KHDRBS1: variants seen among roughly 807,000 people sequenced by gnomAD.
KHDRBS1 encodes the protein KH RNA binding domain containing, signal transduction associated 1.
A neutral mutation model predicts 48.4 loss-of-function variants in KHDRBS1; 7 were observed. The ratio of observed to expected loss-of-function variants is 0.14; its 90% CI spans 0.08 to 0.27. KHDRBS1 has a LOEUF of 0.27. Among genes scored for constraint, KHDRBS1 ranks in the 10% least tolerant of loss-of-function variants. The pLI is 1.00. For synonymous variants in KHDRBS1, 241 were observed against 235.8 expected, an observed-to-expected ratio of 1.02 and a Z score of -0.20; for missense variants, 458 against 601.2, an observed-to-expected ratio of 0.76 and a Z score of 2.49.
rs1325102553 is a variant in KHDRBS1 at position 32,043,435 on chromosome 1, G to T, written c.*811G>T. On this transcript the variant is annotated 3_prime_UTR_variant, in exon 9 of 9. Transcript: ENST00000327300. Reference sequence around the variant, plus strand: ...TGGTGGTGGGGAGGGAAGGCCTCCTGAATTGAGTTTGATGCAGAGCTTTTT... The same window carrying T: ...TGGTGGTGGGGAGGGAAGGCCTCCTTAATTGAGTTTGATGCAGAGCTTTTT... 1 of 152,574 alleles carries T rather than the reference G, an allele frequency of 6.6e-6. No individual in the cohort carries two copies. Among genetic ancestry groups the T allele is most frequent in the Admixed American group, 6.5e-5 (1 of 15,276 alleles). The allele number at this position is 152,574 out of a possible 1,614,324, so 9.5% of individuals were successfully genotyped here. A position where few individuals can be genotyped will look rare whatever the true frequency, so the allele number is the denominator to read the frequency against.
intron 5 of KHDRBS1, among the ~76,000 whole-genome samples, chr1:32,037,557 T>C (rs1330674960): frequency 1.3e-5 from 2 of 152,202 alleles, no homozygotes; most frequent in African/African-American, 4.8e-5. Context: ...CATTTGTTAA[T>C]GGTCTGACTT....
rs1639412379 is a variant in KHDRBS1 at position 32,050,994 on chromosome 1, T to G, written n.1301+5604T>G. 2.0e-5 allele frequency among the ~76,000 whole-genome samples: 3 copies of G among 152,210 alleles called. No homozygotes were observed. In the South Asian group the frequency reaches 6.2e-4, roughly 32 times the overall value. On this transcript the variant is annotated intron_variant and non_coding_transcript_variant, in intron 10 of 10. Coordinates refer to the KHDRBS1 transcript ENST00000484270. ...CAACCTCTGCCTCCCAGGTTCAAGT[T>G]CAAGCAGTTCTCCCTGCCTCAGCCT...
At position 32,019,018 on chromosome 1, in the gene KHDRBS1, C is replaced by T. The variant is rs182354171; in HGVS notation, c.382+4641C>T. ...GCTGAGGCAGGAGAATCACTTGAAC[C>T]CAGGAGGTGGAGTTTGCAGTGAGCC... On this transcript the variant is annotated intron_variant, in intron 1 of 8. Coordinates refer to ENST00000327300, the MANE Select transcript of KHDRBS1 (RefSeq NM_006559.3). Among the ~76,000 whole-genome samples the T allele has an allele frequency of 2.0e-3, 297 of 151,552 alleles. 3 individuals are homozygous for T. The highest frequency in any genetic ancestry group is 6.8e-3 in the African/African-American group (283 of 41,322).
rs191953318 is a variant in KHDRBS1, at chr1:32,017,389, T to A, written c.382+3012T>A. On this transcript the variant is annotated intron_variant, in intron 1 of 8. Transcript: ENST00000327300. The stretch of plus-strand genomic sequence containing the variant: ...ACATAAGGATTCAATCATCCATCTT[T>A]GTTTTCTGGAAGAGAAATAATTTAC... Among the ~76,000 whole-genome samples, 183 of 152,298 alleles carry A rather than the reference T, an allele frequency of 1.2e-3. 1 individual carries two copies. Among genetic ancestry groups the A allele is most frequent in the Admixed American group, 3.2e-3 (49 of 15,276 alleles).
intron 1 of KHDRBS1, among the ~76,000 whole-genome samples, chr1:32,024,503 T>G (rs1277691830): frequency 1.3e-5 from 2 of 151,572 alleles, no homozygotes; most frequent in African/African-American, 4.8e-5. Context: ...TTTTTTTTAA[T>G]TTTAGTAAAG....
At chr1:32,038,428 T>A in intron 6 of KHDRBS1, 124 bp from the exon 7 acceptor site, 2 of 951,386 alleles carry the variant, frequency 2.1e-6, no homozygotes, top group Non-Finnish European at 3.2e-6. Context: ...GGCATTAACA[T>A]TTTGGAGGGA....
rs1639231836 is a variant in KHDRBS1, at chr1:32,038,754, C to T, written c.1175+135C>T. 17 of 751,278 alleles carry T rather than the reference C, an allele frequency of 2.3e-5. No individual in the cohort carries two copies. In the South Asian group the frequency reaches 2.5e-4, roughly 11 times the overall value. The allele number at this position is 751,278 out of a possible 1,614,324, so 46.5% of individuals were successfully genotyped here. ...TTTGAGGGTATCTCCTCTGCAACCC[C>T]CACAGTCCTGACTGGTCTTGAACTC... On this transcript the variant is annotated intron_variant, in intron 7 of 8. Coordinates refer to ENST00000327300, the MANE Select transcript of KHDRBS1 (RefSeq NM_006559.3).
At chr1:32,034,104 A>T (rs1017260610) in intron 4 of KHDRBS1, among the ~76,000 whole-genome samples, 1 of 152,342 alleles carries the variant, frequency 6.6e-6, no homozygotes, top group East Asian at 1.9e-4. Context: ...CTGGAGACTT[A>T]TGAAGGATTT....
At chr1:32,038,939 T>C (rs1467217543) in intron 7 of KHDRBS1, among the ~76,000 whole-genome samples, 1 of 152,164 alleles carries the variant, frequency 6.6e-6, no homozygotes, top group Non-Finnish European at 1.5e-5. Context: ...ATTTAGAACC[T>C]GAGAGTAACA....
chr1:32,014,398 C>G (rs1387054053), intron 1 of KHDRBS1, 21 bp downstream of exon 1: 3 of 1,319,886 alleles, frequency 2.3e-6, no homozygotes, highest in Non-Finnish European at 2.9e-6. Flanking sequence ...CTCCCGTGTC[C>G]CTCTGGGTCG....
chr1:32,028,517 T>G (rs1008483121), intron 1 of KHDRBS1, among the ~76,000 whole-genome samples: 3 of 145,106 alleles, frequency 2.1e-5, no homozygotes, highest in African/African-American at 7.6e-5. Flanking sequence ...TTTTTTTTTT[T>G]TTTGAGACAG....
At chr1:32,015,673 TA>T (rs1433780175) in intron 1 of KHDRBS1, among the ~76,000 whole-genome samples, 2 of 152,170 alleles carry the variant, frequency 1.3e-5, no homozygotes, top group Non-Finnish European at 2.9e-5. Context: ...GTATTTTTTT[TA>T]AACCCAACTG....
At chr1:32,034,506 G>A (rs1639138486) in intron 4 of KHDRBS1, among the ~76,000 whole-genome samples, 1 of 152,090 alleles carries the variant, frequency 6.6e-6, no homozygotes. Flanking sequence ...GTTGCGGTAA[G>A]CTGAGATTGC....
chr1:32,023,456 C>G (rs1031058964), intron 1 of KHDRBS1, among the ~76,000 whole-genome samples: 1 of 152,134 alleles, frequency 6.6e-6, no homozygotes, highest in Non-Finnish European at 1.5e-5. Flanking sequence ...AAATTCCTGA[C>G]GCATAGAAGG....
intron 3 of KHDRBS1, 133 bp downstream of exon 3, chr1:32,031,773 A>T: frequency 1.9e-6 from 1 of 528,274 alleles, no homozygotes; most frequent in Middle Eastern, 3.6e-4. Context: ...TTTGCACTGG[A>T]TGCAAGAGAT....
At chr1:32,047,844 A>C (rs75636912), downstream of KHDRBS1, among the ~76,000 whole-genome samples, 5 of 152,292 alleles carry the variant, frequency 3.3e-5, no homozygotes, top group East Asian at 7.7e-4. Flanking sequence ...ATATCTGCTA[A>C]TAGTCACTCC....
intron 1 of KHDRBS1, among the ~76,000 whole-genome samples, chr1:32,023,822 A>G (rs1569775612): frequency 6.6e-6 from 1 of 152,202 alleles, no homozygotes; most frequent in Non-Finnish European, 1.5e-5. Context: ...CCCTTTTATT[A>G]CCTTTAGGCC....
intron 1 of KHDRBS1, among the ~76,000 whole-genome samples, chr1:32,022,584 T>C (rs1477023894): frequency 3.3e-5 from 5 of 152,096 alleles, no homozygotes; most frequent in African/African-American, 9.7e-5. Context: ...TTGTTCCTTA[T>C]GCAGGCCATA....
Position 32,036,960 on chromosome 1 carries a change from G to T in KHDRBS1, c.822G>T (p.Leu274Phe). The change falls in exon 5 of 9, where the codon TTG becomes TTT. Residue 274 changes from leucine to phenylalanine, a missense_variant. Leu to Phe is a conservative substitution (Grantham distance 22). Transcript: ENST00000327300. ...AGCAATTTCTAGAGCTGTCCTACTT[G>T]AATGGAGTACCTGAACCCTCTCGTG... ...CQEQFLELSY[L>F]NGVPEPSRGR... 6.2e-7 allele frequency: 1 copy of T among 1,614,114 alleles called. No homozygotes were observed. Among genetic ancestry groups the T allele is most frequent in the East Asian group, 2.2e-5 (1 of 44,880 alleles).
Sources: gnomAD v4.1 joint callset for allele counts (sites outside exome capture counted in the v4.1 genomes callset) on GRCh38, gnomAD v4.1.1 for gene constraint, MANE v1.5 for transcripts, NCBI Gene and HGNC (gene_info 2026-07-23, HGNC 2026-07-21) for gene names.